AKT3: variants seen among roughly 807,000 people sequenced by gnomAD.
AKT3 encodes the protein RAC-gamma serine/threonine-protein kinase.
In AKT3, 15 loss-of-function variants were observed where a neutral mutation model predicts 65.3. The ratio of observed to expected loss-of-function variants is 0.23; its 90% CI spans 0.15 to 0.35. The LOEUF is 0.35. Ranked by LOEUF, AKT3 falls within the 10% of genes least tolerant of loss-of-function variation. The pLI, the probability that AKT3 is intolerant of heterozygous loss-of-function variation, is 1.00. For synonymous variants in AKT3, 206 were observed against 183.8 expected (o/e 1.12, Z -0.98); for missense variants, 243 against 576.5 (o/e 0.42, Z 5.92).
At position 243,691,866 on chromosome 1, in the gene AKT3, G is replaced by C. The variant is rs1238446311; in HGVS notation, c.172+3725C>G. Among the ~76,000 whole-genome samples the C allele has an allele frequency of 7.9e-5, 12 of 152,280 alleles. No individual in the cohort carries two copies. The East Asian group carries it at 2.3e-3, about 29-fold the overall frequency. ...CAAGGTTGCAACTGAAACCCCAAAA[G>C]TCAACGTGTCCGCCCAAGAGAAAGT... On this transcript the variant is annotated intron_variant, in intron 3 of 13. Coordinates refer to ENST00000673466, the MANE Select transcript of AKT3 (RefSeq NM_005465.7).
chr1:243,491,874 G>A (rs1041574449), intron 13 of AKT3, among the ~76,000 whole-genome samples: 4 of 152,166 alleles, frequency 2.6e-5, no homozygotes, highest in African/African-American at 4.8e-5. Flanking sequence ...AAAGGCTTCC[G>A]TTTTCTCAGC....
intron 4 of AKT3, among the ~76,000 whole-genome samples, chr1:243,651,863 G>A (rs1279473349): frequency 6.6e-6 from 1 of 151,850 alleles, no homozygotes; most frequent in African/African-American, 2.4e-5. Flanking sequence ...TTCCTTTTTT[G>A]TTGCGTCTCT....
At chr1:243,850,405 CATCACCAG>C, upstream of AKT3, among the ~76,000 whole-genome samples, 1 of 151,174 alleles carries the variant, frequency 6.6e-6, no homozygotes, top group South Asian at 2.1e-4. Flanking sequence ...GCTACAAATT[CATCACCAG>C]AAAACACCGC....
intron 2 of AKT3, among the ~76,000 whole-genome samples, chr1:243,840,687 T>C (rs1695187836): frequency 1.3e-5 from 2 of 150,586 alleles, no homozygotes; most frequent in African/African-American, 2.4e-5. Flanking sequence ...TGTGAGGAAT[T>C]CAAGGGAAAG....
chr1:243,545,649 A>C (rs1558604166), intron 11 of AKT3, 52 bp from the exon 12 acceptor site: 9 of 1,250,814 alleles, frequency 7.2e-6, no homozygotes, highest in South Asian at 1.3e-5. Flanking sequence ...ACATAAGCTC[A>C]AAGCATAACA....
intron 11 of AKT3, among the ~76,000 whole-genome samples, chr1:243,552,288 C>CAAA (rs33995513): frequency 0.58 from 29,200 of 50,076 alleles, 12,955 homozygotes; most frequent in East Asian, 0.7. Context: ...GACTCTGTCT[C>CAAA]AAAAAAAAAA....
At chr1:243,562,043 T>A (rs1034751209) in intron 10 of AKT3, among the ~76,000 whole-genome samples, 15 of 152,146 alleles carry the variant, frequency 9.9e-5, no homozygotes, top group African/African-American at 3.6e-4. Context: ...AGCAGCAGCA[T>A]TATTCATAGT....
At chr1:243,538,630 A>G (rs533813641) in intron 12 of AKT3, among the ~76,000 whole-genome samples, 1 of 152,168 alleles carries the variant, frequency 6.6e-6, no homozygotes, top group Non-Finnish European at 1.5e-5. Context: ...TGGAGTACTT[A>G]TATTAATATC....
At chr1:243,496,411 C>A (rs545755376), downstream of AKT3, among the ~76,000 whole-genome samples, 76 of 152,334 alleles carry the variant, frequency 5.0e-4, no homozygotes, top group African/African-American at 1.8e-3. Flanking sequence ...CTTTGAAATG[C>A]CCCAGATGGA....
intron 8 of AKT3, among the ~76,000 whole-genome samples, chr1:243,574,388 A>G (rs1674789199): frequency 6.6e-6 from 1 of 152,068 alleles, no homozygotes; most frequent in Non-Finnish European, 1.5e-5. Context: ...TATTAAAACT[A>G]AAATATTTTG....
At chr1:243,525,102 A>G (rs1670959934) in intron 12 of AKT3, among the ~76,000 whole-genome samples, 1 of 152,114 alleles carries the variant, frequency 6.6e-6, no homozygotes, top group Non-Finnish European at 1.5e-5. Flanking sequence ...AAGCCCTAAA[A>G]TCTCAGTATA....
At chr1:243,772,466 G>A (rs1690251535) in intron 2 of AKT3, among the ~76,000 whole-genome samples, 1 of 152,186 alleles carries the variant, frequency 6.6e-6, no homozygotes, top group African/African-American at 2.4e-5. Context: ...TCAGAGAACT[G>A]CAAATCAAAA....
chr1:243,698,882 A>T (rs1348269616), intron 2 of AKT3, among the ~76,000 whole-genome samples: 4 of 151,440 alleles, frequency 2.6e-5, no homozygotes, highest in African/African-American at 9.7e-5. Context: ...CTTAGAATGC[A>T]TTCATTATTA....
intron 2 of AKT3, among the ~76,000 whole-genome samples, chr1:243,771,388 T>A (rs1327813802): frequency 6.6e-6 from 1 of 152,168 alleles, no homozygotes; most frequent in African/African-American, 2.4e-5. Context: ...AACATAGCCC[T>A]GGCACATGTA....
intron 9 of AKT3, among the ~76,000 whole-genome samples, chr1:243,567,415 C>A (rs1476467365): frequency 1.3e-5 from 2 of 152,012 alleles, no homozygotes; most frequent in East Asian, 3.9e-4. Context: ...TCAACTGATC[C>A]TCCCACCTCA....
At chr1:243,724,721 G>C (rs1167313117) in intron 2 of AKT3, among the ~76,000 whole-genome samples, 3 of 152,076 alleles carry the variant, frequency 2.0e-5, no homozygotes, top group Non-Finnish European at 4.4e-5. Flanking sequence ...CTCCCTTTAA[G>C]AAATACTAAT....
At position 243,502,956 on chromosome 1, in the gene AKT3, A is replaced by G. The variant is rs1049484119; in HGVS notation, c.*2293T>C. ...TGTCATGCTTTCCCTCTAGAGGAGTAAGTGCTCTGAACATCAGCCAGTCTC... is the reference window on the plus strand; with the variant it reads ...TGTCATGCTTTCCCTCTAGAGGAGTGAGTGCTCTGAACATCAGCCAGTCTC... On this transcript the variant is annotated 3_prime_UTR_variant, in exon 14 of 14. Coordinates refer to ENST00000673466, the MANE Select transcript of AKT3 (RefSeq NM_005465.7). 1 of 233,220 alleles carries G rather than the reference A, an allele frequency of 4.3e-6. No individual in the cohort carries two copies. The highest frequency in any genetic ancestry group is 2.2e-5 in the African/African-American group (1 of 45,350). The allele number at this position is 233,220 out of a possible 1,614,324, so 14.4% of individuals were successfully genotyped here. A position where few individuals can be genotyped will look rare whatever the true frequency, so the allele number is the denominator to read the frequency against.
At chr1:243,610,893 T>C (rs1312812696) in intron 8 of AKT3, among the ~76,000 whole-genome samples, 1 of 152,236 alleles carries the variant, frequency 6.6e-6, no homozygotes, top group Non-Finnish European at 1.5e-5. Flanking sequence ...TTCTTTCAGA[T>C]GGATATAGAG....
intron 13 of AKT3, among the ~76,000 whole-genome samples, chr1:243,488,803 C>G (rs143290018): frequency 3.0e-4 from 45 of 152,276 alleles, no homozygotes; most frequent in African/African-American, 1.0e-3. Context: ...ACTGAGATGG[C>G]TCCCAGTTCC....
Sources: gnomAD v4.1 joint callset for allele counts (sites outside exome capture counted in the v4.1 genomes callset) on GRCh38, gnomAD v4.1.1 for gene constraint, MANE v1.5 for transcripts, NCBI Gene and HGNC (gene_info 2026-07-23, HGNC 2026-07-21) for gene names.